GPC6: variants seen among roughly 807,000 people sequenced by gnomAD.
GPC6 encodes glypican 6.
Under a neutral mutation model 55.2 loss-of-function variants are expected in GPC6, and 14 were observed. The ratio of observed to expected loss-of-function variants is 0.25; its 90% CI spans 0.17 to 0.40. The LOEUF is 0.40. Among genes scored for constraint, GPC6 ranks in the 10% least tolerant of loss-of-function variants. The pLI is 1.00. For missense variants in GPC6, 641 were observed against 708.5 expected, an observed-to-expected ratio of 0.90 and a Z score of 1.08; for synonymous variants, 278 against 259.6, an observed-to-expected ratio of 1.07 and a Z score of -0.68.
intron 2 of GPC6, among the ~76,000 whole-genome samples, chr13:93,594,762 C>T (rs1387730717): frequency 6.6e-6 from 1 of 151,734 alleles, no homozygotes; most frequent in African/African-American, 2.4e-5. Context: ...TCAGTGTCTG[C>T]TTAATATGCA....
intron 2 of GPC6, among the ~76,000 whole-genome samples, chr13:93,613,646 C>A (rs1308594304): frequency 6.6e-6 from 1 of 152,032 alleles, no homozygotes; most frequent in Non-Finnish European, 1.5e-5. Flanking sequence ...ACAGTCTTTT[C>A]ATGTTCATGG....
chr13:93,633,181 A>G (rs1879533879), intron 2 of GPC6, among the ~76,000 whole-genome samples: 1 of 152,198 alleles, frequency 6.6e-6, no homozygotes, highest in African/African-American at 2.4e-5. Flanking sequence ...GGAAGTAAAT[A>G]AGAATGTGAC....
Position 93,956,265 on chromosome 13 carries a change from G to A in GPC6, c.712-71464G>A, listed in dbSNP as rs187353298. ...ACTCTTGTGACAATTCTGCAAGCAA[G>A]GTACATAGTACATAATACATAATAC... On this transcript the variant is annotated intron_variant, in intron 3 of 8. Coordinates refer to ENST00000377047, the MANE Select transcript of GPC6 (RefSeq NM_005708.5). Among the ~76,000 whole-genome samples the A allele has an allele frequency of 3.6e-3, 541 of 151,806 alleles. 1 individual carries two copies. The highest frequency in any genetic ancestry group is 5.4e-3 in the South Asian group (26 of 4,780).
intron 1 of GPC6, among the ~76,000 whole-genome samples, chr13:93,333,209 T>A (rs922173718): frequency 2.7e-5 from 4 of 150,418 alleles, no homozygotes; most frequent in African/African-American, 9.7e-5. Flanking sequence ...ATTTTAGGAC[T>A]TTTTTTCTGT....
At chr13:94,273,467 GCT>G (rs1892107121) in intron 4 of GPC6, among the ~76,000 whole-genome samples, 6 of 152,170 alleles carry the variant, frequency 3.9e-5, no homozygotes, top group Admixed American at 3.9e-4. Flanking sequence ...TTAAAGAGAA[GCT>G]TAATTGGAGC....
chr13:93,711,322 G>A (rs950092758), intron 2 of GPC6, among the ~76,000 whole-genome samples: 1 of 151,610 alleles, frequency 6.6e-6, no homozygotes, highest in African/African-American at 2.4e-5. Flanking sequence ...CTTGTGCAGG[G>A]GAACTCCCGT....
intron 2 of GPC6, among the ~76,000 whole-genome samples, chr13:93,773,211 T>C (rs1885358111): frequency 1.3e-5 from 2 of 152,340 alleles, no homozygotes; most frequent in African/African-American, 4.8e-5. Context: ...GTAAAAGTCA[T>C]GAATAAAGCC....
chr13:94,162,601 G>T (rs1272809702), intron 4 of GPC6, among the ~76,000 whole-genome samples: 3 of 152,148 alleles, frequency 2.0e-5, no homozygotes, highest in Non-Finnish European at 1.5e-5. Context: ...GGTTCTGTTA[G>T]TAAGCGAAAG....
At chr13:93,635,457 G>A (rs1161398592) in intron 2 of GPC6, among the ~76,000 whole-genome samples, 1 of 152,104 alleles carries the variant, frequency 6.6e-6, no homozygotes, top group Non-Finnish European at 1.5e-5. Context: ...GATGTCAGAA[G>A]TCTATTGCAA....
At chr13:93,527,420 T>C (rs563364547) in intron 1 of GPC6, among the ~76,000 whole-genome samples, 3 of 152,118 alleles carry the variant, frequency 2.0e-5, no homozygotes, top group Non-Finnish European at 4.4e-5. Flanking sequence ...GTGCTTTAAT[T>C]TCATGAGTCT....
intron 1 of GPC6, among the ~76,000 whole-genome samples, chr13:93,273,160 T>G (rs1877597700): frequency 6.6e-6 from 1 of 152,198 alleles, no homozygotes; most frequent in South Asian, 2.1e-4. Flanking sequence ...TTTAGTTCTC[T>G]CTGACATCTA....
rs561345635 is a variant in GPC6, at chr13:94,023,151, AT to A, written c.712-4570del. ...CTAAAAGAATACATTTTTTTCAGTA[AT>A]TTTTTTTCTAAAGGTCCATACATTT... On this transcript the variant is annotated intron_variant, in intron 3 of 8. Coordinates refer to ENST00000377047, the MANE Select transcript of GPC6 (RefSeq NM_005708.5). Among the ~76,000 whole-genome samples, 17 of 151,992 alleles carry A rather than the reference AT, an allele frequency of 1.1e-4. 1 individual carries two copies. The highest frequency in any genetic ancestry group is 3.4e-4 in the African/African-American group (14 of 41,508).
chr13:94,079,345 G>T (rs2138793924), intron 4 of GPC6, among the ~76,000 whole-genome samples: 1 of 152,142 alleles, frequency 6.6e-6, no homozygotes, highest in Non-Finnish European at 1.5e-5. Flanking sequence ...TTCCATTTCA[G>T]AAGTAAACAC....
At chr13:93,254,902 C>T (rs1028364540) in intron 1 of GPC6, among the ~76,000 whole-genome samples, 1 of 152,180 alleles carries the variant, frequency 6.6e-6, no homozygotes, top group Non-Finnish European at 1.5e-5. Context: ...AGAGATTTAG[C>T]TGTTTCTGAG....
intron 6 of GPC6, among the ~76,000 whole-genome samples, chr13:94,338,187 T>C (rs1034514272): frequency 2.6e-5 from 4 of 152,218 alleles, no homozygotes; most frequent in African/African-American, 9.7e-5. Context: ...AATCACAGCC[T>C]CTTCCAGGGA....
chr13:94,289,496 T>A (rs1486133481), intron 5 of GPC6, among the ~76,000 whole-genome samples: 1 of 152,168 alleles, frequency 6.6e-6, no homozygotes, highest in East Asian at 1.9e-4. Context: ...TCTACATACA[T>A]GGAATCCAAT....
At chr13:93,301,898 T>C (rs1021040677) in intron 1 of GPC6, among the ~76,000 whole-genome samples, 1 of 152,224 alleles carries the variant, frequency 6.6e-6, no homozygotes, top group Non-Finnish European at 1.5e-5. Context: ...AGAGCCCCGA[T>C]GGATTATTTG....
At chr13:94,183,106 A>C (rs1267877621) in intron 4 of GPC6, among the ~76,000 whole-genome samples, 5 of 152,212 alleles carry the variant, frequency 3.3e-5, no homozygotes, top group Admixed American at 3.3e-4. Context: ...ACAATGCAAT[A>C]GGATTAATTA....
At chr13:94,080,902 G>A (rs115698379) in intron 4 of GPC6, among the ~76,000 whole-genome samples, 335 of 152,274 alleles carry the variant, frequency 2.2e-3, no homozygotes, top group African/African-American at 7.6e-3. Context: ...CATACCAAAG[G>A]GGAAGTATTT....
Sources: allele counts gnomAD v4.1 joint callset (sites outside exome capture counted in the v4.1 genomes callset), GRCh38; gene constraint gnomAD v4.1.1; transcripts MANE v1.5; gene names NCBI Gene and HGNC (gene_info 2026-07-23, HGNC 2026-07-21).